Variants in FILIP1L observed in about 807,000 individuals in gnomAD.
FILIP1L encodes filamin A interacting protein 1 like.
Under a neutral mutation model 96.6 loss-of-function variants are expected in FILIP1L, and 55 were observed. That is an observed-to-expected ratio of 0.57 (90% CI 0.46 to 0.71). The LOEUF (loss-of-function observed/expected upper bound fraction) is 0.71, where lower values mean the gene tolerates loss of function less well. Ranked by LOEUF, FILIP1L falls within the 30% of genes least tolerant of loss-of-function variation. The pLI is 0.00. For missense variants in FILIP1L, 1,304 were observed against 1,321.2 expected (o/e 0.99, Z 0.20); for synonymous variants, 467 against 473.9 (o/e 0.99, Z 0.19).
intron 1 of FILIP1L, among the ~76,000 whole-genome samples, chr3:100,001,768 T>C (rs957965582): frequency 2.0e-5 from 3 of 152,208 alleles, no homozygotes; most frequent in Non-Finnish European, 2.9e-5. Flanking sequence ...TAAACCAGTC[T>C]GCCAAGTCTT....
intron 4 of FILIP1L, among the ~76,000 whole-genome samples, chr3:99,857,252 C>G (rs549959224): frequency 6.6e-6 from 1 of 152,184 alleles, no homozygotes; most frequent in Non-Finnish European, 1.5e-5. Flanking sequence ...GAGTGGGTTT[C>G]CCATCAGTGT....
chr3:99,928,189 G>T (rs1393680493), intron 3 of FILIP1L, among the ~76,000 whole-genome samples: 4 of 152,200 alleles, frequency 2.6e-5, no homozygotes, highest in Non-Finnish European at 4.4e-5. Flanking sequence ...ATTTTCTTCA[G>T]CCCTGTGTAG....
At chr3:100,054,490 TTGTTATGTTA>T (rs10668094) in intron 1 of FILIP1L, among the ~76,000 whole-genome samples, 8,899 of 146,144 alleles carry the variant, frequency 0.061, 291 homozygotes, top group South Asian at 0.12. Flanking sequence ...ATGTTATGTT[TTGTTATGTTA>T]TGTTATGTTA....
chr3:100,091,787 C>T (rs1284393188), intron 1 of FILIP1L, among the ~76,000 whole-genome samples: 1 of 152,152 alleles, frequency 6.6e-6, no homozygotes, highest in Non-Finnish European at 1.5e-5. Flanking sequence ...CCAATATTTT[C>T]CTTAAGACAG....
At chr3:100,062,770 C>T (rs2065596123) in intron 1 of FILIP1L, among the ~76,000 whole-genome samples, 2 of 152,178 alleles carry the variant, frequency 1.3e-5, no homozygotes, top group Non-Finnish European at 2.9e-5. Context: ...AAGCTTTGTC[C>T]TGGTTCCTCA....
At chr3:100,071,599 G>T (rs1355732757) in intron 1 of FILIP1L, among the ~76,000 whole-genome samples, 1 of 152,120 alleles carries the variant, frequency 6.6e-6, no homozygotes, top group Non-Finnish European at 1.5e-5. Context: ...CCCCATTTTT[G>T]ATGTCCTCGG....
chr3:99,983,460 G>GTATA (rs1709214926), intron 1 of FILIP1L, among the ~76,000 whole-genome samples: 2 of 69,492 alleles, frequency 2.9e-5, no homozygotes, highest in African/African-American at 2.1e-4. Context: ...ATATATATAT[G>GTATA]TGTGTATATA....
chr3:100,027,743 A>G (rs1424796324), intron 1 of FILIP1L, among the ~76,000 whole-genome samples: 1 of 152,214 alleles, frequency 6.6e-6, no homozygotes, highest in Non-Finnish European at 1.5e-5. Context: ...GAACAGTTTG[A>G]CTTGCTTTCT....
intron 1 of FILIP1L, among the ~76,000 whole-genome samples, chr3:99,977,494 A>T (rs893138548): frequency 1.3e-5 from 2 of 152,152 alleles, no homozygotes; most frequent in Non-Finnish European, 2.9e-5. Flanking sequence ...ATGTCAAGGA[A>T]GATAGCCAAT....
chr3:99,904,461 T>A (rs1706545917), intron 4 of FILIP1L, among the ~76,000 whole-genome samples: 1 of 152,350 alleles, frequency 6.6e-6, no homozygotes, highest in Admixed American at 6.5e-5. Flanking sequence ...TAGAGCTTTT[T>A]AAAAATATAT....
intron 1 of FILIP1L, among the ~76,000 whole-genome samples, chr3:99,948,702 AAGGG>A (rs1451761386): frequency 3.3e-5 from 5 of 150,044 alleles, no homozygotes; most frequent in African/African-American, 1.2e-4. Flanking sequence ...AGGAGAGAGA[AAGGG>A]AGAGGAAGGG....
intron 1 of FILIP1L, among the ~76,000 whole-genome samples, chr3:99,986,962 C>T (rs1156937258): frequency 6.6e-6 from 1 of 152,116 alleles, no homozygotes; most frequent in African/African-American, 2.4e-5. Flanking sequence ...GGCACAGTGG[C>T]TCATGCCTAT....
rs557180714 is a variant in FILIP1L, at chr3:99,924,193, T to C, written c.605+37A>G. 8 of 1,581,472 alleles carry C rather than the reference T, an allele frequency of 5.1e-6. No homozygotes were observed. In the South Asian group the frequency reaches 6.8e-5, roughly 13 times the overall value. On this transcript the variant is annotated intron_variant, in intron 4 of 5. Transcript: ENST00000477258. The stretch of plus-strand genomic sequence containing the variant: ...CTGGTACAGTGGCCAGCTCATAGAT[T>C]GCAGAATGGGACATTGTTTGCCCAA...
At chr3:99,910,248 C>T (rs62283532) in intron 4 of FILIP1L, among the ~76,000 whole-genome samples, 5,077 of 136,350 alleles carry the variant, frequency 0.037, 1,231 homozygotes, top group Non-Finnish European at 0.055. Context: ...ATTTAAATAA[C>T]TTCATCCAGT....
At chr3:100,088,140 A>G (rs2066044739) in intron 1 of FILIP1L, among the ~76,000 whole-genome samples, 1 of 152,014 alleles carries the variant, frequency 6.6e-6, no homozygotes, top group Non-Finnish European at 1.5e-5. Context: ...TCTAACTATA[A>G]TTTTTTTAAA....
intron 5 of FILIP1L, among the ~76,000 whole-genome samples, chr3:99,833,692 G>T (rs114870550): frequency 2.0e-5 from 3 of 152,274 alleles, no homozygotes; most frequent in Non-Finnish European, 4.4e-5. Flanking sequence ...TCTCAGGAGC[G>T]GTCCTGACTC....
intron 5 of FILIP1L, among the ~76,000 whole-genome samples, chr3:99,843,685 A>G (rs529773269): frequency 6.6e-6 from 1 of 152,218 alleles, no homozygotes; most frequent in African/African-American, 2.4e-5. Flanking sequence ...TAAATCTACA[A>G]TTGGGCAAAA....
chr3:99,861,711 A>T (rs936034282), intron 4 of FILIP1L, among the ~76,000 whole-genome samples: 1 of 152,178 alleles, frequency 6.6e-6, no homozygotes, highest in Non-Finnish European at 1.5e-5. Flanking sequence ...GGCAGGTGGA[A>T]TGACTGACAG....
At chr3:99,911,822 A>T (rs1706797966) in intron 4 of FILIP1L, among the ~76,000 whole-genome samples, 1 of 152,022 alleles carries the variant, frequency 6.6e-6, no homozygotes, top group South Asian at 2.1e-4. Flanking sequence ...TGTCTTCTTC[A>T]TTATTTTTTT....
Sources: gnomAD v4.1 joint callset for allele counts (sites outside exome capture counted in the v4.1 genomes callset) on GRCh38, gnomAD v4.1.1 for gene constraint, MANE v1.5 for transcripts, NCBI Gene and HGNC (gene_info 2026-07-23, HGNC 2026-07-21) for gene names.